The following TES variants were observed in gnomAD, a reference collection of about 807,000 sequenced individuals.
The protein encoded by TES is testin.
A neutral mutation model predicts 48.2 loss-of-function variants in TES; 41 were observed. The ratio of observed to expected loss-of-function variants is 0.85; its 90% CI spans 0.66 to 1.10. The LOEUF is 1.10. Ranked by LOEUF, TES falls within the 50% of genes least tolerant of loss-of-function variation. The pLI, the probability that TES is intolerant of heterozygous loss-of-function variation, is 0.00. For missense variants in TES, 463 were observed against 515.1 expected, an observed-to-expected ratio of 0.90 and a Z score of 0.98; for synonymous variants, 162 against 174.9, an observed-to-expected ratio of 0.93 and a Z score of 0.58.
Position 116,251,900 on chromosome 7 carries a change from T to C in TES, c.843T>C (p.Phe281=), listed in dbSNP as rs200544189. 2 of 1,614,010 alleles carry C rather than the reference T, an allele frequency of 1.2e-6. No individual in the cohort carries two copies. The highest frequency in any genetic ancestry group is 1.7e-6 in the Non-Finnish European group (2 of 1,180,038). The change falls in exon 5 of 7, where the codon TTT becomes TTC. Residue 281 remains phenylalanine, a synonymous_variant. Coordinates refer to ENST00000358204, the MANE Select transcript of TES (RefSeq NM_015641.4). The part of the protein sequence containing the change: ...CHELLVDMIY[F]WKNEKLYCGR... ...AACTCCTGGTTGACATGATTTATTT[T>C]TGGAAGAATGAGAAGCTATACTGTG...
Position 116,241,686 on chromosome 7 carries a change from T to G in TES, c.113+7067T>G, listed in dbSNP as rs3807977. Among the ~76,000 whole-genome samples the G allele has an allele frequency of 5.9e-5, 9 of 152,062 alleles. 1 individual carries two copies. In the South Asian group the frequency reaches 1.9e-3, roughly 31 times the overall value. ...AAATTATATGGCATAGTATGACTTC[T>G]TAGGTATTTCTTTTTTCTTACCACT... On this transcript the variant is annotated intron_variant, in intron 2 of 6. Transcript: ENST00000358204.
chr7:116,245,814 G>A (rs1799915483), intron 2 of TES, among the ~76,000 whole-genome samples: 1 of 152,164 alleles, frequency 6.6e-6, no homozygotes, highest in Non-Finnish European at 1.5e-5. Context: ...AGTTCAGCAT[G>A]GCTGAGGAGG....
chr7:116,226,976 CTCTTAA>C (rs1799628911), intron 1 of TES, among the ~76,000 whole-genome samples: 1 of 152,150 alleles, frequency 6.6e-6, no homozygotes, highest in African/African-American at 2.4e-5. Flanking sequence ...CTAATTGTAG[CTCTTAA>C]TCACACTAGT....
chr7:116,236,088 C>G (rs1799767443), intron 2 of TES, among the ~76,000 whole-genome samples: 1 of 152,100 alleles, frequency 6.6e-6, no homozygotes, highest in African/African-American at 2.4e-5. Flanking sequence ...GGCAGTATGT[C>G]TCTCATGTTT....
rs564473716 is a variant in TES at position 116,236,425 on chromosome 7, A to G, written c.113+1806A>G. ...TATTTAAAATATGTATAAAATTACC[A>G]TCAGCTTATGTACATAAGCTGTATA... On this transcript the variant is annotated intron_variant, in intron 2 of 6. Transcript: ENST00000358204. Among the ~76,000 whole-genome samples the G allele has an allele frequency of 5.3e-5, 8 of 152,320 alleles. No individual in the cohort carries two copies. In the South Asian group the frequency reaches 1.2e-3, roughly 24 times the overall value.
At chr7:116,235,190 A>G (rs972787359) in intron 2 of TES, among the ~76,000 whole-genome samples, 3 of 152,196 alleles carry the variant, frequency 2.0e-5, no homozygotes, top group African/African-American at 7.2e-5. Context: ...ACCTCAAGTG[A>G]TCAGCCCACC....
In TES at chr7:116,249,982, A is replaced by G. The variant is rs1361572814; in HGVS notation, c.367-179A>G. The G allele has an allele frequency of 7.1e-6, 3 of 420,170 alleles. No individual in the cohort carries two copies. The highest frequency in any genetic ancestry group is 1.3e-5 in the Non-Finnish European group (3 of 237,892). 26.0% of individuals were successfully genotyped at this position (420,170 alleles called of 1,614,324 possible). A position where few individuals can be genotyped will look rare whatever the true frequency, so the allele number is the denominator to read the frequency against. On this transcript the variant is annotated intron_variant, in intron 3 of 6. Transcript: ENST00000358204. ...GAGAGAAAGTGTTACTTTTTACCCA[A>G]CTAAATCTATTTAGTGTACCGTTTT...
At chr7:116,249,424 CTT>C in intron 3 of TES, 152 bp downstream of exon 3, 1 of 917,314 alleles carries the variant, frequency 1.1e-6, no homozygotes, top group Non-Finnish European at 1.6e-6. Flanking sequence ...CTGTTCTAGT[CTT>C]TTGAATGTAA....
chr7:116,247,492 G>C (rs1799942584), intron 2 of TES, among the ~76,000 whole-genome samples: 1 of 151,538 alleles, frequency 6.6e-6, no homozygotes. Context: ...GTCCCTTTAA[G>C]TGTGCACTTT....
At chr7:116,252,263 A>G in intron 5 of TES, 55 bp from the exon 6 acceptor site, 1 of 1,519,174 alleles carries the variant, frequency 6.6e-7, no homozygotes, top group South Asian at 1.3e-5. Flanking sequence ...ATGTTGTTAC[A>G]GATATAAATC....
At chr7:116,226,432 A>G (rs1023886404) in intron 1 of TES, among the ~76,000 whole-genome samples, 1 of 152,092 alleles carries the variant, frequency 6.6e-6, no homozygotes, top group African/African-American at 2.4e-5. Context: ...ATGGAGAAGA[A>G]GAGGAGCAGA....
rs1342335763 is a variant in TES, at chr7:116,252,318, C to A, written c.919C>A (p.Leu307Met). Residue 307 changes from leucine to methionine, a missense_variant and splice_region_variant, in exon 6 of 7, where the codon CTG becomes ATG. Leu to Met is a conservative substitution (Grantham distance 15). Transcript: ENST00000358204. ...EKPRCAGCDELIFSNEYTQAE... is the reference protein window; with the variant it reads ...EKPRCAGCDEMIFSNEYTQAE... ...ATCTTTATTTTTATCTTCTTCCTAG[C>A]TGATATTCAGCAATGAGTATACCCA... is the stretch of plus-strand genomic sequence containing the variant. 3 of 1,600,268 alleles carry A rather than the reference C, an allele frequency of 1.9e-6. No individual in the cohort carries two copies. In the African/African-American group the frequency reaches 4.0e-5, roughly 21 times the overall value.
At position 116,210,637 on chromosome 7, in the gene TES, G is replaced by A; in HGVS notation, c.-71G>A. On this transcript the variant is annotated 5_prime_UTR_variant, in exon 1 of 7. Coordinates refer to ENST00000358204, the MANE Select transcript of TES (RefSeq NM_015641.4). ...GCAGGTTTCCCGTGTTCGCAGCGGA[G>A]CCGGAGGCCAGCTGAACCCGGCCGT... 7.8e-7 allele frequency: 1 copy of A among 1,289,796 alleles called. No individual in the cohort carries two copies. The highest frequency in any genetic ancestry group is 9.9e-7 in the Non-Finnish European group (1 of 1,006,192). 79.9% of individuals were successfully genotyped at this position (1,289,796 alleles called of 1,614,324 possible).
chr7:116,244,213 A>T (rs1321940563), intron 2 of TES, among the ~76,000 whole-genome samples: 1 of 152,176 alleles, frequency 6.6e-6, no homozygotes, highest in Non-Finnish European at 1.5e-5. Context: ...CCAAAGTCTT[A>T]ACTCACTCCA....
rs546441784 is a variant in TES, at chr7:116,257,619, G to T, written c.*137G>T. 47 of 915,840 alleles carry T rather than the reference G, an allele frequency of 5.1e-5. No homozygotes were observed. The South Asian group carries it at 1.7e-3, about 33-fold the overall frequency. The allele number at this position is 915,840 out of a possible 1,614,324, so 56.7% of individuals were successfully genotyped here. ...CCAAGAGATTTTGTTTAATTTTTTT[G>T]GCCATTTTTTCTTCATCAATTTTTT... is the stretch of plus-strand genomic sequence containing the variant. On this transcript the variant is annotated 3_prime_UTR_variant, in exon 7 of 7. Coordinates refer to ENST00000358204, the MANE Select transcript of TES (RefSeq NM_015641.4).
Position 116,210,646 on chromosome 7 carries a change from C to T in TES, c.-62C>T. 2 of 1,296,786 alleles carry T rather than the reference C, an allele frequency of 1.5e-6. No individual in the cohort carries two copies. Among genetic ancestry groups the T allele is most frequent in the Non-Finnish European group, 9.9e-7 (1 of 1,010,942 alleles). The allele number at this position is 1,296,786 out of a possible 1,614,324, so 80.3% of individuals were successfully genotyped here. ...CCGTGTTCGCAGCGGAGCCGGAGGC[C>T]AGCTGAACCCGGCCGTGGGATCCCG... On this transcript the variant is annotated 5_prime_UTR_variant, in exon 1 of 7. Transcript: ENST00000358204.
At position 116,257,461 on chromosome 7, in the gene TES, A is replaced by G; in HGVS notation, c.1245A>G (p.Glu415=). The change falls in exon 7 of 7, where the codon GAA becomes GAG. Residue 415 remains glutamate, a synonymous_variant. Coordinates refer to ENST00000358204, the MANE Select transcript of TES (RefSeq NM_015641.4). ...AAGGGATGGTTTTCTGTTCAGTGGA[A>G]TGTAAGAAGAGGATGTCTTAGGAGG... ...PVEGMVFCSV[E]CKKRMS 1.2e-6 allele frequency: 2 copies of G among 1,612,180 alleles called. No homozygotes were observed. Among genetic ancestry groups the G allele is most frequent in the Non-Finnish European group, 1.7e-6 (2 of 1,179,098 alleles).
chr7:116,244,977 C>T (rs1799901165), intron 2 of TES, among the ~76,000 whole-genome samples: 1 of 152,134 alleles, frequency 6.6e-6, no homozygotes. Flanking sequence ...AGCTGGGATG[C>T]AGGGCAGCAT....
intron 6 of TES, among the ~76,000 whole-genome samples, chr7:116,256,041 C>A (rs1210378599): frequency 2.6e-5 from 4 of 151,572 alleles, no homozygotes; most frequent in African/African-American, 9.7e-5. Context: ...TTGAAACGTT[C>A]ATTTTTATAG....
Sources: allele counts gnomAD v4.1 joint callset (sites outside exome capture counted in the v4.1 genomes callset), GRCh38; gene constraint gnomAD v4.1.1; transcripts MANE v1.5; gene names NCBI Gene and HGNC (gene_info 2026-07-23, HGNC 2026-07-21).